VPS35L: variants seen among roughly 807,000 people sequenced by gnomAD.
VPS35L encodes the protein VPS35 endosomal protein sorting factor like, also known as VPS35 endosomal protein-sorting factor-like.
VPS35L carries 83 observed loss-of-function variants against 133.0 expected under a neutral mutation model. That is an observed-to-expected ratio of 0.62 (90% CI 0.52 to 0.75). VPS35L has a LOEUF of 0.75. Ranked by LOEUF, VPS35L falls within the 30% of genes least tolerant of loss-of-function variation. The probability of loss-of-function intolerance (pLI) is 0.00; values close to 1 mark genes in which losing one functional copy is unlikely to be tolerated. For missense variants in VPS35L, 1,083 were observed against 1,206.8 expected (o/e 0.90, Z 1.52); for synonymous variants, 423 against 449.9 (o/e 0.94, Z 0.76).
intron 9 of VPS35L, among the ~76,000 whole-genome samples, chr16:19,607,147 A>T (rs62026211): frequency 0.12 from 17,759 of 152,196 alleles, 1,394 homozygotes; most frequent in Non-Finnish European, 0.17. Context: ...GAACTGTGAG[A>T]AATAAATTTC....
At chr16:19,645,855 G>A (rs1316283003) in intron 23 of VPS35L, among the ~76,000 whole-genome samples, 14 of 152,260 alleles carry the variant, frequency 9.2e-5, no homozygotes, top group Non-Finnish European at 2.9e-5. Flanking sequence ...TGGAAACTAT[G>A]CCGGGCAGGC....
chr16:19,627,775 T>G lies in VPS35L; in HGVS notation c.1353T>G (p.Ile451Met), dbSNP rs1024146632. 6.2e-7 allele frequency: 1 copy of G among 1,613,594 alleles called. No individual in the cohort carries two copies. Among genetic ancestry groups the G allele is most frequent in the Admixed American group, 1.7e-5 (1 of 60,012 alleles). Residue 451 changes from isoleucine to methionine, a missense_variant, in exon 16 of 31, where the codon ATT becomes ATG. Transcript: ENST00000417362. ...GGTCTATGGATTTCATTGGCATGAT[T>G]AAAGAGTGTGATGAATCTGGTTTCC... ...ATRSMDFIGM[I>M]KECDESGFPK...
chr16:19,651,794 C>G (rs537442601), intron 25 of VPS35L, among the ~76,000 whole-genome samples, 182 bp from the exon 26 acceptor site: 1 of 152,134 alleles, frequency 6.6e-6, no homozygotes, highest in Non-Finnish European at 1.5e-5. Flanking sequence ...TCACTCCCCT[C>G]ACACCCCTGT....
intron 8 of VPS35L, among the ~76,000 whole-genome samples, chr16:19,597,181 C>T (rs576135164): frequency 2.0e-5 from 3 of 152,076 alleles, no homozygotes; most frequent in South Asian, 4.2e-4. Flanking sequence ...CCATCCTGGG[C>T]AGCATAGCAA....
chr16:19,688,587 G>A (rs1975548347), intron 28 of VPS35L, among the ~76,000 whole-genome samples: 2 of 152,150 alleles, frequency 1.3e-5, no homozygotes, highest in Non-Finnish European at 2.9e-5. Context: ...GAGAAGCAGC[G>A]AGTGCCGCCG....
Position 19,640,057 on chromosome 16 carries a change from G to A in VPS35L, c.1741G>A (p.Val581Met). 3 of 1,614,242 alleles carry A rather than the reference G, an allele frequency of 1.9e-6. No individual in the cohort carries two copies. Among genetic ancestry groups the A allele is most frequent in the Non-Finnish European group, 2.5e-6 (3 of 1,180,032 alleles). The part of the protein sequence containing the change: ...PFLDMFQKES[V>M]RVEVCKCIMD... ...TCTGGACATGTTCCAAAAAGAGAGT[G>A]TGCGGGTGGAGGTTTGCAAATGCAT... The change falls in exon 21 of 31, where the codon GTG becomes ATG. Residue 581 changes from valine to methionine, a missense_variant. Transcript: ENST00000417362.
chr16:19,562,271 T>C (rs1392483389), intron 1 of VPS35L, among the ~76,000 whole-genome samples: 1 of 152,014 alleles, frequency 6.6e-6, no homozygotes, highest in Non-Finnish European at 1.5e-5. Context: ...AGAAGAAGAA[T>C]TCGATCAGAT....
At chr16:19,659,085 C>T (rs974800384) in intron 26 of VPS35L, among the ~76,000 whole-genome samples, 1 of 152,110 alleles carries the variant, frequency 6.6e-6, no homozygotes, top group African/African-American at 2.4e-5. Flanking sequence ...CACGTGGTTG[C>T]TGGAGGTCAA....
chr16:19,671,799 C>T (rs1181285850), intron 27 of VPS35L, among the ~76,000 whole-genome samples: 5 of 152,006 alleles, frequency 3.3e-5, no homozygotes, highest in African/African-American at 4.8e-5. Flanking sequence ...AATAGTATTC[C>T]ATGGAGTGTA....
chr16:19,582,352 G>A (rs972463528), intron 7 of VPS35L, among the ~76,000 whole-genome samples: 1 of 152,174 alleles, frequency 6.6e-6, no homozygotes, highest in African/African-American at 2.4e-5. Flanking sequence ...TGCCATTTTA[G>A]TTCAAAAGGA....
At chr16:19,617,013 G>A in intron 14 of VPS35L, 1 of 765,800 alleles carries the variant, frequency 1.3e-6, no homozygotes, top group South Asian at 1.6e-5. Context: ...GCTGTGGAAG[G>A]GGAATGTGGT....
intron 14 of VPS35L, among the ~76,000 whole-genome samples, chr16:19,619,559 C>T (rs79835334): frequency 0.012 from 1,873 of 152,086 alleles, 30 homozygotes; most frequent in African/African-American, 0.042. Flanking sequence ...GAAATGAGAA[C>T]GCTTTTTTTT....
At chr16:19,672,312 T>G (rs1277170808) in intron 27 of VPS35L, among the ~76,000 whole-genome samples, 1 of 152,174 alleles carries the variant, frequency 6.6e-6, no homozygotes, top group Non-Finnish European at 1.5e-5. Flanking sequence ...TAGGACCATA[T>G]TTGAGAAACA....
At chr16:19,686,266 GA>G (rs1478518001) in intron 28 of VPS35L, among the ~76,000 whole-genome samples, 2 of 152,168 alleles carry the variant, frequency 1.3e-5, no homozygotes, top group Non-Finnish European at 2.9e-5. Flanking sequence ...GAACTTGGAA[GA>G]GAGGGATTAA....
intron 2 of VPS35L, among the ~76,000 whole-genome samples, chr16:19,567,332 T>A (rs2151503588): frequency 6.6e-6 from 1 of 152,276 alleles, no homozygotes; most frequent in South Asian, 2.1e-4. Flanking sequence ...TGACCCAGTT[T>A]TGTTATGCGC....
chr16:19,603,539 A>G (rs1972451500), intron 9 of VPS35L, among the ~76,000 whole-genome samples: 1 of 152,096 alleles, frequency 6.6e-6, no homozygotes, highest in African/African-American at 2.4e-5. Flanking sequence ...AATGTGGCTC[A>G]TGTGGTTTTT....
At chr16:19,564,445 C>T (rs1427180066) in intron 1 of VPS35L, among the ~76,000 whole-genome samples, 2 of 152,076 alleles carry the variant, frequency 1.3e-5, no homozygotes, top group African/African-American at 4.8e-5. Context: ...GTGGCCCAGG[C>T]TGGAGTGGAG....
At chr16:19,690,400 C>T (rs1975627109) in intron 28 of VPS35L, among the ~76,000 whole-genome samples, 1 of 152,154 alleles carries the variant, frequency 6.6e-6, no homozygotes, top group Non-Finnish European at 1.5e-5. Flanking sequence ...TTACTCTAGG[C>T]AGTGGTTGTC....
intron 25 of VPS35L, among the ~76,000 whole-genome samples, chr16:19,650,913 C>G (rs931204365): frequency 1.3e-5 from 2 of 152,120 alleles, no homozygotes; most frequent in Non-Finnish European, 2.9e-5. Context: ...GAGTCTTGCT[C>G]TGTCACCCAG....
Sources: allele counts gnomAD v4.1 joint callset (sites outside exome capture counted in the v4.1 genomes callset), GRCh38; gene constraint gnomAD v4.1.1; transcripts MANE v1.5; gene names NCBI Gene and HGNC (gene_info 2026-07-23, HGNC 2026-07-21).